The following ZIM2 variants were observed in gnomAD, a reference collection of about 807,000 sequenced individuals.
The protein encoded by ZIM2 is zinc finger protein 656.
In ZIM2, 14 loss-of-function variants were observed where a neutral mutation model predicts 38.6. The ratio of observed to expected loss-of-function variants is 0.36; its 90% CI spans 0.24 to 0.57. ZIM2 has a LOEUF of 0.57. Ranked by LOEUF, ZIM2 falls within the 20% of genes least tolerant of loss-of-function variation. The pLI is 0.81. For missense variants in ZIM2, 680 were observed against 695.1 expected (o/e 0.98, Z 0.24); for synonymous variants, 247 against 245.8 (o/e 1.00, Z -0.04).
intron 9 of ZIM2, chr19:56,816,914 A>G: frequency 6.2e-7 from 1 of 1,614,210 alleles, no homozygotes; most frequent in Non-Finnish European, 8.5e-7. Context: ...GTCTCTCCAC[A>G]GTCCTTACAT....
intron 2 of ZIM2, among the ~76,000 whole-genome samples, chr19:56,829,509 G>A (rs967697419): frequency 2.1e-4 from 32 of 152,212 alleles, no homozygotes; most frequent in African/African-American, 6.3e-4. Flanking sequence ...AGGGAAACGT[G>A]TTCTGTTGTG....
chr19:56,799,290 CT>C (rs561018955), intron 9 of ZIM2: 9 of 152,184 alleles, frequency 5.9e-5, no homozygotes, highest in Non-Finnish European at 1.3e-4. Context: ...AAGATAATGT[CT>C]TTTGCAGGGA....
intron 6 of ZIM2, 94 bp from the exon 7 acceptor site, chr19:56,821,848 T>C: frequency 7.5e-7 from 1 of 1,336,176 alleles, no homozygotes; most frequent in South Asian, 1.2e-5. Flanking sequence ...AGCTGGGGTG[T>C]GAGTGTATGA....
At chr19:56,792,914 C>A (rs996024640) in intron 9 of ZIM2, 1 of 152,604 alleles carries the variant, frequency 6.6e-6, no homozygotes, top group Non-Finnish European at 1.5e-5. Flanking sequence ...ATTCACTCAA[C>A]AAAATTTCTA....
intron 10 of ZIM2, 168 bp from the exon 11 acceptor site, chr19:56,782,289 A>C: frequency 1.1e-6 from 1 of 888,738 alleles, no homozygotes; most frequent in South Asian, 1.7e-5. Flanking sequence ...TTACTGAAAC[A>C]GTTCCTATTG....
intron 9 of ZIM2, chr19:56,816,230 T>C (rs757370487): frequency 6.2e-7 from 1 of 1,614,172 alleles, no homozygotes; most frequent in Non-Finnish European, 8.5e-7. Flanking sequence ...AGAGGTCTTG[T>C]TATAGTATGA....
chr19:56,810,108 T>TA, intron 9 of ZIM2: 1 of 935,442 alleles, frequency 1.1e-6, no homozygotes, highest in Non-Finnish European at 1.3e-6. Flanking sequence ...TTTTTATTGT[T>TA]GACACTATTA....
intron 2 of ZIM2, among the ~76,000 whole-genome samples, chr19:56,834,444 G>A (rs2061878970): frequency 6.6e-6 from 1 of 152,128 alleles, no homozygotes; most frequent in South Asian, 2.1e-4. Flanking sequence ...TTATGGTTGT[G>A]TTTCCCATGT....
intron 7 of ZIM2, among the ~76,000 whole-genome samples, chr19:56,819,931 A>G (rs951855815): frequency 1.3e-5 from 2 of 152,234 alleles, no homozygotes; most frequent in Non-Finnish European, 2.9e-5. Context: ...AGCCTTATCC[A>G]TGAACTGCCT....
chr19:56,806,854 T>C (rs925202774), intron 9 of ZIM2, among the ~76,000 whole-genome samples: 4 of 152,188 alleles, frequency 2.6e-5, no homozygotes, highest in African/African-American at 9.7e-5. Flanking sequence ...GAAGTCATCA[T>C]CTTTGAAGCA....
chr19:56,792,436 C>A (rs2046982583), intron 9 of ZIM2, among the ~76,000 whole-genome samples: 1 of 141,432 alleles, frequency 7.1e-6, no homozygotes, highest in Non-Finnish European at 1.5e-5. Flanking sequence ...GAGGCTGAGG[C>A]AGGAGAATTG....
At chr19:56,806,423 G>A (rs554043575) in intron 9 of ZIM2, among the ~76,000 whole-genome samples, 2 of 152,282 alleles carry the variant, frequency 1.3e-5, no homozygotes, top group East Asian at 3.9e-4. Flanking sequence ...TGTGGGGAAG[G>A]GGGAGGAGAG....
Position 56,774,615 on chromosome 19 carries a change from C to T in ZIM2, c.*73G>A. The T allele has an allele frequency of 1.3e-6, 2 of 1,530,206 alleles. No individual in the cohort carries two copies. Among genetic ancestry groups the T allele is most frequent in the Non-Finnish European group, 1.8e-6 (2 of 1,137,222 alleles). 94.8% of individuals were successfully genotyped at this position (1,530,206 alleles called of 1,614,324 possible). ...TAACAAGGTGGGGCTAGTGAAAGGC[C>T]TTCTCACACTCACAACACTCTAGGA... On this transcript the variant is annotated 3_prime_UTR_variant, in exon 13 of 13. Transcript: ENST00000629319.
rs764791278 is a variant in ZIM2 at position 56,822,734 on chromosome 19, G to C, written c.190+19C>G. 6.2e-7 allele frequency: 1 copy of C among 1,613,584 alleles called. No homozygotes were observed. The highest frequency in any genetic ancestry group is 8.5e-7 in the Non-Finnish European group (1 of 1,179,818). On this transcript the variant is annotated intron_variant, in intron 6 of 12. Transcript: ENST00000629319. ...ATGCTCTATATCTCCTACTGGGAAA[G>C]AAAGTGGTTAAGACTCACTGCTTCT...
intron 9 of ZIM2, chr19:56,799,740 T>A (rs1443788670): frequency 6.6e-6 from 1 of 152,202 alleles, no homozygotes. Flanking sequence ...ACATGAATGT[T>A]CTTAGCAGCT....
chr19:56,838,619 C>G (rs2062507069), intron 1 of ZIM2, among the ~76,000 whole-genome samples: 1 of 152,198 alleles, frequency 6.6e-6, no homozygotes, highest in Admixed American at 6.5e-5. Context: ...CACCGTTAGC[C>G]AAAAACACAG....
At chr19:56,824,210 A>T in intron 4 of ZIM2, 52 bp downstream of exon 4, 2 of 1,582,486 alleles carry the variant, frequency 1.3e-6, no homozygotes, top group South Asian at 2.3e-5. Flanking sequence ...TGAGAGCCCC[A>T]GGGGACACCT....
chr19:56,790,295 T>C lies in ZIM2; in HGVS notation c.491-344A>G, dbSNP rs181411194. On this transcript the variant is annotated intron_variant, in intron 9 of 12. Transcript: ENST00000629319. ...AAAGCAGAAATAATGACAATACCTA[T>C]ACAGTAGTCCCCACTTATCTGAGGT... Among the ~76,000 whole-genome samples the C allele has an allele frequency of 2.1e-3, 320 of 152,338 alleles. 1 individual carries two copies. The highest frequency in any genetic ancestry group is 6.8e-3 in the African/African-American group (281 of 41,582).
At chr19:56,794,426 T>A (rs2047090723) in intron 9 of ZIM2, among the ~76,000 whole-genome samples, 1 of 152,220 alleles carries the variant, frequency 6.6e-6, no homozygotes, top group East Asian at 1.9e-4. Context: ...CCACTAAAAC[T>A]TACGCCTTTT....
Sources: allele counts gnomAD v4.1 joint callset (sites outside exome capture counted in the v4.1 genomes callset), GRCh38; gene constraint gnomAD v4.1.1; transcripts MANE v1.5; gene names NCBI Gene and HGNC (gene_info 2026-07-23, HGNC 2026-07-21).